CEACAM8: variants seen among roughly 807,000 people sequenced by gnomAD.
CEACAM8 encodes the protein cell adhesion molecule CEACAM8.
Under a neutral mutation model 33.4 loss-of-function variants are expected in CEACAM8, and 31 were observed. The ratio of observed to expected loss-of-function variants is 0.93; its 90% CI spans 0.70 to 1.25. CEACAM8 has a LOEUF of 1.25. Ranked by LOEUF, CEACAM8 falls within the 50% of genes most tolerant of loss-of-function variation. The pLI, the probability that CEACAM8 is intolerant of heterozygous loss-of-function variation, is 0.00. For synonymous variants in CEACAM8, 138 were observed against 164.5 expected (o/e 0.84, Z 1.23); for missense variants, 388 against 434.6 (o/e 0.89, Z 0.95).
chr19:42,588,697 G>A (rs1052918714), intron 4 of CEACAM8, 87 bp downstream of exon 4: 54 of 1,481,786 alleles, frequency 3.6e-5, no homozygotes, highest in Non-Finnish European at 4.8e-5. Context: ...CACAGGCTGG[G>A]AATAAAACTT....
intron 3 of CEACAM8, 112 bp from the exon 4 acceptor site, chr19:42,589,150 T>C: frequency 7.3e-7 from 1 of 1,365,232 alleles, no homozygotes; most frequent in Non-Finnish European, 1.0e-6. Context: ...CTGAGCCAAG[T>C]CCCAACCAAC....
chr19:42,587,014 A>C lies in CEACAM8; in HGVS notation c.958+1770T>G, dbSNP rs144940576. 2.0e-5 allele frequency among the ~76,000 whole-genome samples: 3 copies of C among 152,312 alleles called. No individual in the cohort carries two copies. In the East Asian group the frequency reaches 5.8e-4, roughly 29 times the overall value. ...ACATCACTGATACTTAGAGATATGC[A>C]AATCAGAACCCCAATGATAGAATAC... On this transcript the variant is annotated intron_variant, in intron 4 of 5. Transcript: ENST00000244336.
intron 4 of CEACAM8, among the ~76,000 whole-genome samples, chr19:42,583,797 G>T (rs182361651): frequency 4.9e-4 from 74 of 152,308 alleles, no homozygotes; most frequent in African/African-American, 1.8e-3. Context: ...CCCAGCAGGG[G>T]TATGGAAGCA....
At chr19:42,581,920 A>AATATATATATATATATATATAT (rs57314008) in intron 5 of CEACAM8, among the ~76,000 whole-genome samples, 10 of 25,302 alleles carry the variant, frequency 4.0e-4, no homozygotes, top group African/African-American at 1.2e-3. Context: ...AAAAAAAAAA[A>AATATATATATATATATATATAT]ATATATATAT....
At chr19:42,586,294 A>G (rs2042336033) in intron 4 of CEACAM8, among the ~76,000 whole-genome samples, 1 of 152,198 alleles carries the variant, frequency 6.6e-6, no homozygotes, top group Non-Finnish European at 1.5e-5. Context: ...CAATCATGAA[A>G]AAAGGAACCT....
At chr19:42,584,181 T>G (rs2042297684) in intron 4 of CEACAM8, among the ~76,000 whole-genome samples, 1 of 148,686 alleles carries the variant, frequency 6.7e-6, no homozygotes, top group African/African-American at 2.6e-5. Context: ...TATATGTGTG[T>G]GTATTTACCT....
intron 2 of CEACAM8, among the ~76,000 whole-genome samples, chr19:42,592,247 G>A (rs1478952331): frequency 6.6e-6 from 1 of 152,118 alleles, no homozygotes; most frequent in Non-Finnish European, 1.5e-5. Context: ...GTGTTTGTGT[G>A]ACCCTGGTTC....
Position 42,594,777 on chromosome 19 carries a change from G to A in CEACAM8, c.52C>T (p.Leu18Phe), listed in dbSNP as rs143573502. The change falls in exon 1 of 6, where the codon CTC becomes TTC. Residue 18 changes from leucine (L) to phenylalanine (F), a missense_variant. By Grantham distance (22) the Leu-to-Phe change is conservative. Transcript: ENST00000244336. ...GTCCTCTCCTCACCTGTGAGCAGGA[G>A]CCCCTGCCAGGGGATGCGCCATCTG... The part of the protein sequence containing the change: ...SCRWRIPWQG[L>F]LLTASLFTFW... 3.1e-6 allele frequency: 5 copies of A among 1,610,286 alleles called. No individual in the cohort carries two copies. In the African/African-American group the frequency reaches 5.4e-5, roughly 17 times the overall value.
At chr19:42,594,141 A>T (rs765165518) in intron 1 of CEACAM8, among the ~76,000 whole-genome samples, 3 of 152,128 alleles carry the variant, frequency 2.0e-5, no homozygotes, top group Non-Finnish European at 2.9e-5. Flanking sequence ...GATCCTGCTC[A>T]CATCAGGGCA....
intron 2 of CEACAM8, among the ~76,000 whole-genome samples, chr19:42,592,975 C>T (rs1240148169): frequency 6.6e-6 from 1 of 152,306 alleles, no homozygotes; most frequent in African/African-American, 2.4e-5. Context: ...CTGTCCTTGC[C>T]CAGATGAGGC....
At position 42,592,628 on chromosome 19, in the gene CEACAM8, AAAG is replaced by A. The variant is rs1464597097; in HGVS notation, c.424+910_424+912del. 2.0e-5 allele frequency among the ~76,000 whole-genome samples: 3 copies of A among 151,984 alleles called. No homozygotes were observed. The East Asian group carries it at 5.8e-4, about 29-fold the overall frequency. ...AAAAAAAAAAAAAAAAAAGAAATAA[AAAG>A]AATTATTATTTCTTTCTCAATAGGA... On this transcript the variant is annotated intron_variant, in intron 2 of 5. Coordinates refer to ENST00000244336, the MANE Select transcript of CEACAM8 (RefSeq NM_001816.4).
intron 2 of CEACAM8, among the ~76,000 whole-genome samples, chr19:42,590,558 G>A (rs2042419099): frequency 6.6e-6 from 1 of 152,230 alleles, no homozygotes; most frequent in Non-Finnish European, 1.5e-5. Flanking sequence ...GGAGCCTGAA[G>A]TGCTGGAAAT....
chr19:42,591,834 T>A (rs1176954789), intron 2 of CEACAM8, among the ~76,000 whole-genome samples: 1 of 152,104 alleles, frequency 6.6e-6, no homozygotes, highest in Non-Finnish European at 1.5e-5. Flanking sequence ...TCCCTCTCCA[T>A]GAGAGAACGA....
At chr19:42,586,232 G>GA (rs1214101802) in intron 4 of CEACAM8, among the ~76,000 whole-genome samples, 16 of 151,770 alleles carry the variant, frequency 1.1e-4, no homozygotes, top group African/African-American at 3.9e-4. Context: ...TGCAGAAATA[G>GA]AAAAATCTAT....
At chr19:42,585,159 A>T (rs1383150628) in intron 4 of CEACAM8, among the ~76,000 whole-genome samples, 1 of 152,058 alleles carries the variant, frequency 6.6e-6, no homozygotes, top group Non-Finnish European at 1.5e-5. Context: ...TCAGCTGGGC[A>T]TGATGGTATG....
At chr19:42,583,553 C>T (rs892430911) in intron 4 of CEACAM8, among the ~76,000 whole-genome samples, 1 of 152,210 alleles carries the variant, frequency 6.6e-6, no homozygotes, top group African/African-American at 2.4e-5. Context: ...AGTCTTCGGT[C>T]AATTTCATCC....
chr19:42,588,678 G>T, intron 4 of CEACAM8, 106 bp downstream of exon 4: 1 of 1,238,770 alleles, frequency 8.1e-7, no homozygotes, highest in Non-Finnish European at 1.2e-6. Context: ...ATTTGCTTGT[G>T]CTGTTGGACA....
rs938511279 is a variant in CEACAM8 at position 42,580,477 on chromosome 19, T to A, written c.*917A>T. 2 of 152,252 alleles carry A rather than the reference T, an allele frequency of 1.3e-5. No individual in the cohort carries two copies. Among genetic ancestry groups the A allele is most frequent in the African/African-American group, 4.8e-5 (2 of 41,474 alleles). The allele number at this position is 152,252 out of a possible 1,614,324, so 9.4% of individuals were successfully genotyped here. On this transcript the variant is annotated 3_prime_UTR_variant, in exon 6 of 6. Transcript: ENST00000244336. ...GATTAGACACTCCGTTAATCTATCA[T>A]TCTCTGTATTTTCTCAAATATAACA...
At chr19:42,582,461 G>T (rs905563287) in intron 5 of CEACAM8, among the ~76,000 whole-genome samples, 1 of 152,258 alleles carries the variant, frequency 6.6e-6, no homozygotes, top group African/African-American at 2.4e-5. Flanking sequence ...ATCAGGAAAA[G>T]GTTCTCAACC....
Sources: allele counts gnomAD v4.1 joint callset (sites outside exome capture counted in the v4.1 genomes callset), GRCh38; gene constraint gnomAD v4.1.1; transcripts MANE v1.5; gene names NCBI Gene and HGNC (gene_info 2026-07-23, HGNC 2026-07-21).